The following NEGR1 variants were observed in gnomAD, a reference collection of about 807,000 sequenced individuals.
NEGR1 encodes neuronal growth regulator 1.
In NEGR1, 10 loss-of-function variants were observed where a neutral mutation model predicts 40.9. The observed-to-expected ratio is 0.24, with a 90% CI of 0.15 to 0.42. The LOEUF is 0.42. Among genes scored for constraint, NEGR1 ranks in the 10% least tolerant of loss-of-function variants. The pLI is 1.00. For missense variants in NEGR1, 352 were observed against 438.9 expected, an observed-to-expected ratio of 0.80 and a Z score of 1.77; for synonymous variants, 185 against 166.8, an observed-to-expected ratio of 1.11 and a Z score of -0.84.
At chr1:72,092,214 A>AAGGTAGAG (rs1188639041) in intron 1 of NEGR1, among the ~76,000 whole-genome samples, 1 of 152,156 alleles carries the variant, frequency 6.6e-6, no homozygotes, top group African/African-American at 2.4e-5. Flanking sequence ...AATGACAGGA[A>AAGGTAGAG]AGGTAGAGAC....
chr1:72,096,183 T>A (rs1290135059), intron 1 of NEGR1, among the ~76,000 whole-genome samples: 2 of 152,176 alleles, frequency 1.3e-5, no homozygotes, highest in African/African-American at 4.8e-5. Context: ...GTGTTTGATG[T>A]TTCAAGGTGA....
At chr1:71,711,369 A>AGAC (rs1557623399) in intron 3 of NEGR1, among the ~76,000 whole-genome samples, 1 of 147,994 alleles carries the variant, frequency 6.8e-6, no homozygotes, top group Non-Finnish European at 1.5e-5. Context: ...AAAAAGAAGA[A>AGAC]GACACCCAGA....
At chr1:72,009,072 A>G (rs1281470922) in intron 1 of NEGR1, among the ~76,000 whole-genome samples, 1 of 151,910 alleles carries the variant, frequency 6.6e-6, no homozygotes, top group Non-Finnish European at 1.5e-5. Context: ...ATGATCTAAT[A>G]TGTTATGGCT....
chr1:71,716,880 T>TA (rs1430839306), intron 3 of NEGR1, among the ~76,000 whole-genome samples: 3 of 152,172 alleles, frequency 2.0e-5, no homozygotes, highest in Non-Finnish European at 4.4e-5. Flanking sequence ...GTTTTTCCCT[T>TA]AAAAATTTAA....
At position 72,069,044 on chromosome 1, in the gene NEGR1, G is replaced by C. The variant is rs115825984; in HGVS notation, c.177-133733C>G. On this transcript the variant is annotated intron_variant, in intron 1 of 6. Transcript: ENST00000357731. Reference sequence around the variant, plus strand: ...TACTCTCTTGTCTAATAAACTTTCAGACTTTAATCAATAATTAAATATCAA... The same window carrying C: ...TACTCTCTTGTCTAATAAACTTTCACACTTTAATCAATAATTAAATATCAA... 5.8e-3 allele frequency among the ~76,000 whole-genome samples: 886 copies of C among 152,110 alleles called. 5 individuals carry two copies. Among genetic ancestry groups the C allele is most frequent in the African/African-American group, 0.02 (846 of 41,512 alleles).
At chr1:72,218,652 G>A (rs761630256) in intron 1 of NEGR1, among the ~76,000 whole-genome samples, 2 of 151,714 alleles carry the variant, frequency 1.3e-5, no homozygotes, top group Non-Finnish European at 2.9e-5. Flanking sequence ...CAGAGATCGA[G>A]ATGCCAGACT....
At chr1:71,830,662 A>G (rs1186396173) in intron 2 of NEGR1, among the ~76,000 whole-genome samples, 1 of 152,010 alleles carries the variant, frequency 6.6e-6, no homozygotes, top group African/African-American at 2.4e-5. Context: ...AAAGGAGGAT[A>G]GGGAATAAAC....
chr1:71,611,866 T>C (rs928615), intron 4 of NEGR1, among the ~76,000 whole-genome samples: 8 of 151,956 alleles, frequency 5.3e-5, no homozygotes, highest in Admixed American at 5.2e-4. Context: ...CTGGAAAAAG[T>C]TTCCCCGCCT....
chr1:72,180,730 C>T lies in NEGR1; in HGVS notation c.176+101589G>A, dbSNP rs138110470. 1.2e-3 allele frequency among the ~76,000 whole-genome samples: 180 copies of T among 152,050 alleles called. 1 individual carries two copies. The highest frequency in any genetic ancestry group is 3.3e-3 in the African/African-American group (136 of 41,490). ...AAAAAGTGCTCATCATTAATCATGA[C>T]GGAAATACTAATCAAAACTACTATG... On this transcript the variant is annotated intron_variant, in intron 1 of 6. Coordinates refer to ENST00000357731, the MANE Select transcript of NEGR1 (RefSeq NM_173808.3).
chr1:72,162,042 G>T (rs971977358), intron 1 of NEGR1, among the ~76,000 whole-genome samples: 1 of 151,840 alleles, frequency 6.6e-6, no homozygotes, highest in Non-Finnish European at 1.5e-5. Context: ...TTACAGATTG[G>T]GTGTGGTTGT....
At chr1:71,476,286 T>C (rs886289411) in intron 6 of NEGR1, among the ~76,000 whole-genome samples, 21 of 152,126 alleles carry the variant, frequency 1.4e-4, no homozygotes, top group Non-Finnish European at 2.9e-5. Context: ...TTGACTTGCA[T>C]CTTTCCTTTC....
chr1:72,122,057 A>T (rs188229057), intron 1 of NEGR1, among the ~76,000 whole-genome samples: 84 of 152,146 alleles, frequency 5.5e-4, no homozygotes, highest in Admixed American at 2.1e-3. Context: ...GCATAATTAC[A>T]ACTTTAGGAA....
chr1:71,559,194 G>A (rs1333877515), intron 6 of NEGR1, among the ~76,000 whole-genome samples: 1 of 150,844 alleles, frequency 6.6e-6, no homozygotes, highest in Admixed American at 6.6e-5. Context: ...CAGTTGGAAA[G>A]CTAATTTTTA....
intron 6 of NEGR1, among the ~76,000 whole-genome samples, chr1:71,556,309 T>A (rs357205): frequency 1.3e-5 from 2 of 151,424 alleles, no homozygotes; most frequent in African/African-American, 2.4e-5. Flanking sequence ...CTAAAACAAT[T>A]GGTTCATTAG....
At chr1:71,686,625 A>G (rs550714405) in intron 4 of NEGR1, among the ~76,000 whole-genome samples, 8 of 152,336 alleles carry the variant, frequency 5.3e-5, no homozygotes, top group African/African-American at 1.9e-4. Context: ...AGCTAACCCC[A>G]AACCAGGCTA....
chr1:71,868,050 C>G (rs1660167800), intron 2 of NEGR1, among the ~76,000 whole-genome samples: 1 of 152,056 alleles, frequency 6.6e-6, no homozygotes, highest in South Asian at 2.1e-4. Flanking sequence ...TTGAGGACAC[C>G]ATTAAACACT....
At chr1:72,144,379 G>A (rs1650828087) in intron 1 of NEGR1, among the ~76,000 whole-genome samples, 1 of 151,734 alleles carries the variant, frequency 6.6e-6, no homozygotes, top group African/African-American at 2.4e-5. Flanking sequence ...TGCCTTTGAG[G>A]TGTATTCTAC....
chr1:72,094,809 G>A (rs1465644390), intron 1 of NEGR1, among the ~76,000 whole-genome samples: 1 of 152,170 alleles, frequency 6.6e-6, no homozygotes, highest in East Asian at 1.9e-4. Flanking sequence ...TAATTACAGT[G>A]AGTGGACCAA....
At chr1:72,045,145 C>G (rs571799822) in intron 1 of NEGR1, among the ~76,000 whole-genome samples, 1 of 151,740 alleles carries the variant, frequency 6.6e-6, no homozygotes, top group Non-Finnish European at 1.5e-5. Flanking sequence ...AGATTAAAAT[C>G]TCTGATTCTT....
Sources: allele counts gnomAD v4.1 joint callset (sites outside exome capture counted in the v4.1 genomes callset), GRCh38; gene constraint gnomAD v4.1.1; transcripts MANE v1.5; gene names NCBI Gene and HGNC (gene_info 2026-07-23, HGNC 2026-07-21).